Variants in LYPLAL1 observed in about 807,000 individuals in gnomAD.
LYPLAL1 encodes lysophospholipase-like protein 1.
A neutral mutation model predicts 19.7 loss-of-function variants in LYPLAL1; 23 were observed. That is an observed-to-expected ratio of 1.17 (90% CI 0.84 to 1.65). The LOEUF is 1.65. LYPLAL1 is among the 40% of genes most tolerant of loss of function. The pLI, the probability that LYPLAL1 is intolerant of heterozygous loss-of-function variation, is 0.00. For missense variants in LYPLAL1, 355 were observed against 279.4 expected (o/e 1.27, Z -1.93); for synonymous variants, 119 against 96.3 (o/e 1.24, Z -1.38).
the LYPLAL1 span, among the ~76,000 whole-genome samples, chr1:219,289,086 T>G: frequency 2.7e-5 from 4 of 147,084 alleles, no homozygotes; most frequent in African/African-American, 5.0e-5. Context: ...TTGTTTTTTT[T>G]GTTTTTTTTG....
chr1:219,258,266 AGGTCATGT>A, the LYPLAL1 span, among the ~76,000 whole-genome samples: 2 of 152,104 alleles, frequency 1.3e-5, no homozygotes, highest in Non-Finnish European at 2.9e-5. Context: ...CAGGGTCCTG[AGGTCATGT>A]ACATCCTCAG....
At chr1:219,241,132 C>CTATATATATATATATA in the LYPLAL1 span, among the ~76,000 whole-genome samples, 14 of 57,508 alleles carry the variant, frequency 2.4e-4, no homozygotes, top group Non-Finnish European at 3.8e-4. Context: ...CTCTCTCTCT[C>CTATATATATATATATA]TCTATATATA....
chr1:219,418,290 G>T, the LYPLAL1 span, among the ~76,000 whole-genome samples: 1,794 of 152,128 alleles, frequency 0.012, 27 homozygotes, highest in East Asian at 0.06. Context: ...TCCAGAGTTG[G>T]ACAACTCTCA....
At chr1:219,318,833 T>A in the LYPLAL1 span, among the ~76,000 whole-genome samples, 1 of 151,826 alleles carries the variant, frequency 6.6e-6, no homozygotes, top group Admixed American at 6.6e-5. Context: ...CCTAGAAAAA[T>A]GGGCAGGGAA....
At chr1:219,297,129 A>G in the LYPLAL1 span, among the ~76,000 whole-genome samples, 2 of 152,182 alleles carry the variant, frequency 1.3e-5, no homozygotes, top group South Asian at 4.1e-4. Context: ...TTCAGCTTTC[A>G]GTTGCGACCT....
At chr1:219,231,683 T>C in the LYPLAL1 span, among the ~76,000 whole-genome samples, 1 of 152,176 alleles carries the variant, frequency 6.6e-6, no homozygotes, top group Non-Finnish European at 1.5e-5. Flanking sequence ...TTTAAACAGA[T>C]GGCAAAAACA....
At chr1:219,383,486 T>C in the LYPLAL1 span, among the ~76,000 whole-genome samples, 6 of 152,340 alleles carry the variant, frequency 3.9e-5, no homozygotes, top group African/African-American at 1.4e-4. Flanking sequence ...GGTGGTGTTC[T>C]CAACTCAGAA....
At chr1:219,219,347 A>G in the LYPLAL1 span, among the ~76,000 whole-genome samples, 1 of 152,166 alleles carries the variant, frequency 6.6e-6, no homozygotes, top group Admixed American at 6.5e-5. Flanking sequence ...CCTGAAGTCT[A>G]CAAGAGTGAT....
At chr1:219,211,298 T>C (rs937296389) in intron 4 of LYPLAL1, among the ~76,000 whole-genome samples, 194 bp from the exon 5 acceptor site, 1 of 152,024 alleles carries the variant, frequency 6.6e-6, no homozygotes, top group Non-Finnish European at 1.5e-5. Flanking sequence ...ACAAATTGAG[T>C]GATGCCAGGA....
chr1:219,246,547 G>T, the LYPLAL1 span, among the ~76,000 whole-genome samples: 256 of 152,212 alleles, frequency 1.7e-3, 2 homozygotes, highest in African/African-American at 5.7e-3. Flanking sequence ...CTCCCTTTAT[G>T]ACAAGCAAAT....
At chr1:219,442,070 T>C in the LYPLAL1 span, among the ~76,000 whole-genome samples, 1 of 152,294 alleles carries the variant, frequency 6.6e-6, no homozygotes, top group South Asian at 2.1e-4. Context: ...TGGCAAATGA[T>C]TAAACAATAC....
chr1:219,282,900 G>A, the LYPLAL1 span, among the ~76,000 whole-genome samples: 1 of 152,056 alleles, frequency 6.6e-6, no homozygotes, highest in South Asian at 2.1e-4. Flanking sequence ...AGAGTGTGTA[G>A]TAGGTCTAGA....
chr1:219,321,150 G>T, the LYPLAL1 span, among the ~76,000 whole-genome samples: 2 of 152,124 alleles, frequency 1.3e-5, no homozygotes, highest in Non-Finnish European at 2.9e-5. Flanking sequence ...GTGTGAGATG[G>T]TATCTCATTG....
the LYPLAL1 span, among the ~76,000 whole-genome samples, chr1:219,415,039 G>A: frequency 6.6e-6 from 1 of 152,150 alleles, no homozygotes; most frequent in African/African-American, 2.4e-5. Context: ...ATGGAAAGAT[G>A]TCCAAAGTAA....
At chr1:219,208,521 A>T (rs537001405) in intron 3 of LYPLAL1, among the ~76,000 whole-genome samples, 1 of 152,012 alleles carries the variant, frequency 6.6e-6, no homozygotes, top group African/African-American at 2.4e-5. Context: ...ATTCAGTTAA[A>T]TTTTTATTGA....
At chr1:219,288,106 C>T in the LYPLAL1 span, among the ~76,000 whole-genome samples, 1 of 152,170 alleles carries the variant, frequency 6.6e-6, no homozygotes, top group Non-Finnish European at 1.5e-5. Flanking sequence ...ATCCAGCGAT[C>T]ACACCTTGGT....
chr1:219,292,804 T>C, the LYPLAL1 span, among the ~76,000 whole-genome samples: 1 of 152,150 alleles, frequency 6.6e-6, no homozygotes, highest in Non-Finnish European at 1.5e-5. Context: ...TGTGTTGAGA[T>C]AGAGAGGCAA....
At chr1:219,219,746 TCA>T in the LYPLAL1 span, among the ~76,000 whole-genome samples, 6 of 152,030 alleles carry the variant, frequency 3.9e-5, no homozygotes, top group African/African-American at 1.4e-4. Flanking sequence ...CTGTGTAAAC[TCA>T]CACAAACACA....
At chr1:219,371,623 C>G in the LYPLAL1 span, among the ~76,000 whole-genome samples, 1 of 152,194 alleles carries the variant, frequency 6.6e-6, no homozygotes, top group Non-Finnish European at 1.5e-5. Context: ...CTGTAACTTA[C>G]TCTTGTGCCA....
Sources: gnomAD v4.1 joint callset for allele counts (sites outside exome capture counted in the v4.1 genomes callset) on GRCh38, gnomAD v4.1.1 for gene constraint, MANE v1.5 for transcripts, NCBI Gene and HGNC (gene_info 2026-07-23, HGNC 2026-07-21) for gene names.